The following GFM1 variants were observed in gnomAD, a reference collection of about 807,000 sequenced individuals.
GFM1 encodes elongation factor G, mitochondrial.
In GFM1, 62 loss-of-function variants were observed where a neutral mutation model predicts 96.2. The ratio of observed to expected loss-of-function variants is 0.64; its 90% confidence interval spans 0.53 to 0.80. The LOEUF is 0.80. Among genes scored for constraint, GFM1 ranks in the 30% least tolerant of loss-of-function variants. The pLI, the probability that GFM1 is intolerant of heterozygous loss-of-function variation, is 0.00. For synonymous variants in GFM1, 282 were observed against 312.9 expected (o/e 0.90, Z 1.04); for missense variants, 852 against 916.6 (o/e 0.93, Z 0.91).
At chr3:158,672,628 C>G (rs1560139530) in intron 13 of GFM1, 3 of 905,038 alleles carry the variant, frequency 3.3e-6, no homozygotes, top group Non-Finnish European at 3.3e-6. Context: ...CAGCTCCTTC[C>G]GACTCCGGAA....
At chr3:158,675,081 G>T (rs1420770709) in intron 13 of GFM1, among the ~76,000 whole-genome samples, 2 of 152,092 alleles carry the variant, frequency 1.3e-5, no homozygotes, top group Non-Finnish European at 2.9e-5. Flanking sequence ...GAGGTCAAGA[G>T]TTCAAGACCA....
In GFM1 at chr3:158,693,345, C is replaced by T. The variant is rs1726434131; in HGVS notation, c.*1878C>T. ...GATTCCTATGGCTATTGAGAATAGT[C>T]ACAACTACTGGAACTAAACTGGATA... On this transcript the variant is annotated 3_prime_UTR_variant, in exon 18 of 18. Transcript: ENST00000486715. 6.6e-6 allele frequency: 1 copy of T among 152,156 alleles called. No individual in the cohort carries two copies. The highest frequency in any genetic ancestry group is 2.4e-5 in the African/African-American group (1 of 41,418). The allele number at this position is 152,156 out of a possible 1,614,324, so 9.4% of individuals were successfully genotyped here.
intron 13 of GFM1, among the ~76,000 whole-genome samples, chr3:158,671,863 A>C (rs1227268180): frequency 6.6e-6 from 1 of 152,084 alleles, no homozygotes; most frequent in Non-Finnish European, 1.5e-5. Context: ...TTATTCTTTG[A>C]CTTTGATTGT....
chr3:158,669,190 A>T, intron 13 of GFM1: 1 of 1,480,858 alleles, frequency 6.8e-7, no homozygotes, highest in Non-Finnish European at 9.2e-7. Context: ...TTTTAAAACA[A>T]AATCTAAATT....
chr3:158,684,854 G>C, intron 15 of GFM1, 186 bp downstream of exon 15: 1 of 603,468 alleles, frequency 1.7e-6, no homozygotes, highest in Non-Finnish European at 2.9e-6. Flanking sequence ...TTCTTGCAAA[G>C]CTAAAAGACT....
In GFM1 at chr3:158,690,225, A is replaced by G. The variant is rs963229162; in HGVS notation, c.1972A>G (p.Asn658Asp). The change falls in exon 16 of 18, where the codon AAT (asparagine) becomes GAT (aspartate). Residue 658 changes from asparagine to aspartate, a missense_variant. Transcript: ENST00000486715. Reference protein sequence around the residue: ...PIMAVEVVAPNEFQGQVIAGI... With the variant: ...PIMAVEVVAPDEFQGQVIAGI... Reference sequence around the variant, plus strand: ...TATGGCTGTGGAAGTTGTAGCTCCAAATGAATTTCAGGGACAAGTAATTGC... The same window carrying G: ...TATGGCTGTGGAAGTTGTAGCTCCAGATGAATTTCAGGGACAAGTAATTGC... 3.1e-6 allele frequency: 5 copies of G among 1,613,858 alleles called. No individual in the cohort carries two copies. The highest frequency in any genetic ancestry group is 4.2e-6 in the Non-Finnish European group (5 of 1,179,862).
rs1721722367 is a variant in GFM1 at position 158,645,725 on chromosome 3, A to G, written c.178A>G (p.Thr60Ala). The change falls in exon 2 of 18, where the codon ACT (threonine) becomes GCT (alanine). Residue 60 changes from threonine to alanine, a missense_variant. By Grantham distance (58) the Thr-to-Ala change is moderately conservative. Coordinates refer to ENST00000486715, the MANE Select transcript of GFM1 (RefSeq NM_024996.7). ...GISAHIDSGK[T>A]TLTERVLYYT... is the part of the protein sequence containing the mutation. ...CTCAGCTCACATTGATTCTGGGAAA[A>G]CTACATTAACAGAACGAGTCCTTTA... The G allele has an allele frequency of 6.2e-7, 1 of 1,612,066 alleles. No individual in the cohort carries two copies. The highest frequency in any genetic ancestry group is 1.7e-5 in the Admixed American group (1 of 59,996).
Position 158,665,259 on chromosome 3 carries a change from T to A in GFM1, c.1381-78T>A, listed in dbSNP as rs188012281. On this transcript the variant is annotated intron_variant, in intron 11 of 17. Coordinates refer to ENST00000486715, the MANE Select transcript of GFM1 (RefSeq NM_024996.7). ...TTAACTGCTGATGTATTTTATTTCA[T>A]TCAGTAAAGTTTTTTCTAAAATCCC... 9.4e-5 allele frequency: 98 copies of A among 1,043,348 alleles called. No homozygotes were observed. The East Asian group carries it at 1.7e-3, about 18-fold the overall frequency. 64.6% of individuals were successfully genotyped at this position (1,043,348 alleles called of 1,614,324 possible).
At chr3:158,689,819 C>T (rs556831150) in intron 15 of GFM1, among the ~76,000 whole-genome samples, 7 of 151,274 alleles carry the variant, frequency 4.6e-5, no homozygotes, top group Non-Finnish European at 8.8e-5. Flanking sequence ...TTAACCCTGA[C>T]GATTTTCAGA....
At chr3:158,677,493 A>G (rs1437999176) in intron 13 of GFM1, among the ~76,000 whole-genome samples, 1 of 152,174 alleles carries the variant, frequency 6.6e-6, no homozygotes, top group Admixed American at 6.5e-5. Flanking sequence ...ACACAGAACA[A>G]CAGATTTTCT....
chr3:158,684,017 A>G (rs1725623525), intron 14 of GFM1, among the ~76,000 whole-genome samples: 1 of 152,248 alleles, frequency 6.6e-6, no homozygotes, highest in South Asian at 2.1e-4. Flanking sequence ...CTATGCAGCC[A>G]TAAAAAAGAA....
intron 13 of GFM1, chr3:158,667,078 T>C (rs773394841): frequency 1.9e-6 from 3 of 1,576,400 alleles, no homozygotes; most frequent in Non-Finnish European, 1.7e-6. Flanking sequence ...TTCTTTGCTA[T>C]GACAAAAAAT....
intron 4 of GFM1, 59 bp from the exon 5 acceptor site, chr3:158,648,982 C>A: frequency 1.2e-6 from 1 of 816,510 alleles, no homozygotes. Flanking sequence ...TTCATTTTGT[C>A]ATTTCAAAGG....
chr3:158,690,547 T>A, intron 16 of GFM1: 4 of 540,804 alleles, frequency 7.4e-6, no homozygotes, highest in Non-Finnish European at 1.3e-5. Context: ...CTTAGATGTA[T>A]ATTATCTCTC....
chr3:158,674,403 C>T (rs900114503), intron 13 of GFM1, among the ~76,000 whole-genome samples: 10 of 152,062 alleles, frequency 6.6e-5, no homozygotes, highest in Admixed American at 2.6e-4. Context: ...CTGACCCACC[C>T]ATGGCAATAT....
chr3:158,676,031 G>A (rs1017157024), intron 13 of GFM1, among the ~76,000 whole-genome samples: 4 of 152,246 alleles, frequency 2.6e-5, no homozygotes, highest in African/African-American at 9.6e-5. Flanking sequence ...CTAGCACTTT[G>A]TGAGGCTGAG....
At chr3:158,658,392 TG>T (rs1722937591) in intron 8 of GFM1, among the ~76,000 whole-genome samples, 1 of 152,138 alleles carries the variant, frequency 6.6e-6, no homozygotes, top group South Asian at 2.1e-4. Context: ...CTTGAACTCC[TG>T]ACCTCAGGTG....
chr3:158,648,183 C>T (rs138799409), intron 4 of GFM1, among the ~76,000 whole-genome samples: 6 of 151,920 alleles, frequency 3.9e-5, no homozygotes, highest in Non-Finnish European at 5.9e-5. Flanking sequence ...ATTTTCTTTC[C>T]TCTAGTAACT....
chr3:158,684,394 T>C (rs1474898814), intron 14 of GFM1, 130 bp from the exon 15 acceptor site: 1 of 867,284 alleles, frequency 1.2e-6, no homozygotes. Context: ...TTTTAAAAAA[T>C]TATTTTTGAG....
Sources: allele counts gnomAD v4.1 joint callset (sites outside exome capture counted in the v4.1 genomes callset), GRCh38; gene constraint gnomAD v4.1.1; transcripts MANE v1.5; gene names NCBI Gene and HGNC (gene_info 2026-07-23, HGNC 2026-07-21).